RAB11FIP4: variants seen among roughly 807,000 people sequenced by gnomAD.
RAB11FIP4 encodes RAB11 family interacting protein 4.
A neutral mutation model predicts 74.3 loss-of-function variants in RAB11FIP4; 23 were observed. The ratio of observed to expected loss-of-function variants is 0.31; its 90% CI spans 0.22 to 0.44. The LOEUF is 0.44. Among genes scored for constraint, RAB11FIP4 ranks in the 20% least tolerant of loss-of-function variants. The probability of loss-of-function intolerance (pLI) is 1.00; values close to 1 mark genes in which losing one functional copy is unlikely to be tolerated. For synonymous variants in RAB11FIP4, 360 were observed against 359.9 expected, an observed-to-expected ratio of 1.00 and a Z score of 0.00; for missense variants, 630 against 863.9, an observed-to-expected ratio of 0.73 and a Z score of 3.39.
chr17:31,517,000 A>G (rs1437575526), intron 3 of RAB11FIP4, among the ~76,000 whole-genome samples: 1 of 151,796 alleles, frequency 6.6e-6, no homozygotes, highest in Non-Finnish European at 1.5e-5. Flanking sequence ...CTATGCAAAC[A>G]TCTGATTGGT....
chr17:31,531,215 T>C, intron 14 of RAB11FIP4: 1 of 183,784 alleles, frequency 5.4e-6, no homozygotes, highest in Non-Finnish European at 1.2e-5. Context: ...AGAAGAGCAG[T>C]GTGGGGCTGG....
intron 5 of RAB11FIP4, among the ~76,000 whole-genome samples, chr17:31,521,585 C>T (rs959381757): frequency 2.6e-5 from 4 of 152,136 alleles, no homozygotes; most frequent in Middle Eastern, 3.4e-3. Context: ...CTGGGGGCCA[C>T]GGGGCTCTGT....
intron 1 of RAB11FIP4, among the ~76,000 whole-genome samples, chr17:31,424,256 C>T (rs532436657): frequency 6.6e-6 from 1 of 152,214 alleles, no homozygotes; most frequent in African/African-American, 2.4e-5. Context: ...TGTCTTCTGT[C>T]AGGGTTTTTA....
chr17:31,465,976 T>TAA (rs1677629091), intron 3 of RAB11FIP4: 4 of 23,012 alleles, frequency 1.7e-4, no homozygotes, highest in Admixed American at 1.7e-3. Context: ...CTGCTAAAAA[T>TAA]TAAAAAAAAA....
intron 1 of RAB11FIP4, among the ~76,000 whole-genome samples, chr17:31,407,658 G>A (rs148124326): frequency 1.3e-5 from 2 of 152,256 alleles, no homozygotes; most frequent in South Asian, 2.1e-4. Flanking sequence ...CTGTTTCCTC[G>A]AGGTTAGATA....
At chr17:31,514,681 T>G (rs1334404847) in intron 3 of RAB11FIP4, among the ~76,000 whole-genome samples, 1 of 152,216 alleles carries the variant, frequency 6.6e-6, no homozygotes, top group African/African-American at 2.4e-5. Flanking sequence ...GTGAAAAGTT[T>G]GCAGTTCTTC....
intron 1 of RAB11FIP4, among the ~76,000 whole-genome samples, chr17:31,416,941 C>T (rs996792327): frequency 6.6e-6 from 1 of 152,074 alleles, no homozygotes; most frequent in Non-Finnish European, 1.5e-5. Flanking sequence ...CACATACAGG[C>T]CCTTTGCCTG....
intron 3 of RAB11FIP4, among the ~76,000 whole-genome samples, chr17:31,479,795 T>C (rs1368974145): frequency 6.6e-6 from 1 of 152,164 alleles, no homozygotes; most frequent in African/African-American, 2.4e-5. Flanking sequence ...ACCTCCCTTT[T>C]CTAGGATTGG....
At chr17:31,422,412 A>G (rs1451667997) in intron 1 of RAB11FIP4, among the ~76,000 whole-genome samples, 2 of 152,214 alleles carry the variant, frequency 1.3e-5, no homozygotes, top group South Asian at 2.1e-4. Flanking sequence ...TAGATTTTCT[A>G]TCTAACTGGT....
chr17:31,524,041 A>C (rs1303526468), intron 9 of RAB11FIP4, 45 bp downstream of exon 9: 2 of 1,409,634 alleles, frequency 1.4e-6, no homozygotes, highest in Non-Finnish European at 2.0e-6. Context: ...GACGCTGGGG[A>C]ACAAAGGGGG....
chr17:31,404,455 C>T (rs1464078689), intron 1 of RAB11FIP4, among the ~76,000 whole-genome samples: 1 of 152,256 alleles, frequency 6.6e-6, no homozygotes, highest in Non-Finnish European at 1.5e-5. Context: ...AACTTACTTG[C>T]TGCGTGACTC....
At chr17:31,434,810 G>C (rs1278321145) in intron 3 of RAB11FIP4, among the ~76,000 whole-genome samples, 1 of 152,256 alleles carries the variant, frequency 6.6e-6, no homozygotes, top group Admixed American at 6.5e-5. Flanking sequence ...GGGATGCAGA[G>C]CTTCCGCACC....
Position 31,522,361 on chromosome 17 carries a change from C to T in RAB11FIP4, c.895C>T (p.Pro299Ser), listed in dbSNP as rs2142818923. The T allele has an allele frequency of 1.2e-6, 2 of 1,613,930 alleles. No individual in the cohort carries two copies. The highest frequency in any genetic ancestry group is 1.1e-5 in the South Asian group (1 of 91,068). The change falls in exon 7 of 15, where the codon CCC becomes TCC. Residue 299 changes from proline (P) to serine (S), a missense_variant and splice_region_variant. Coordinates refer to ENST00000621161, the MANE Select transcript of RAB11FIP4 (RefSeq NM_032932.6). ...ARLKNLKANSPNRKISSTAFG... is the reference protein window; with the variant it reads ...ARLKNLKANSSNRKISSTAFG... ...TGACTGTTTCCTTTCTCTCTCTAGC[C>T]CCAACCGAAAGATCTCCAGCACGGC...
intron 3 of RAB11FIP4, among the ~76,000 whole-genome samples, chr17:31,482,137 A>G (rs976786322): frequency 6.6e-6 from 1 of 152,184 alleles, no homozygotes; most frequent in Non-Finnish European, 1.5e-5. Context: ...AGTTAGGGAG[A>G]GCCCAGAACC....
At chr17:31,418,396 T>A (rs1231793866) in intron 1 of RAB11FIP4, among the ~76,000 whole-genome samples, 3 of 150,096 alleles carry the variant, frequency 2.0e-5, no homozygotes, top group African/African-American at 4.9e-5. Flanking sequence ...CTCAAAAAAA[T>A]AAAATAAAAT....
At chr17:31,524,931 C>T (rs1597983167) in intron 9 of RAB11FIP4, 159 bp from the exon 10 acceptor site, 8 of 807,978 alleles carry the variant, frequency 9.9e-6, no homozygotes, top group South Asian at 1.7e-5. Context: ...TCTATATGTG[C>T]GGTGTCCCCG....
chr17:31,396,910 C>G (rs568365136), intron 1 of RAB11FIP4, among the ~76,000 whole-genome samples: 1 of 152,300 alleles, frequency 6.6e-6, no homozygotes, highest in African/African-American at 2.4e-5. Context: ...ATGATGGTCC[C>G]CACTGGGCTC....
chr17:31,473,755 G>T (rs761252582), intron 3 of RAB11FIP4, among the ~76,000 whole-genome samples: 2 of 152,174 alleles, frequency 1.3e-5, no homozygotes, highest in Non-Finnish European at 2.9e-5. Context: ...TTTGCTCAGC[G>T]GGCATGGAGG....
chr17:31,497,981 TG>T (rs2072148405), intron 3 of RAB11FIP4, among the ~76,000 whole-genome samples: 1 of 152,078 alleles, frequency 6.6e-6, no homozygotes, highest in Non-Finnish European at 1.5e-5. Flanking sequence ...AGAAGCAGCA[TG>T]TGCTGAGGCA....
Sources: gnomAD v4.1 joint callset for allele counts (sites outside exome capture counted in the v4.1 genomes callset) on GRCh38, gnomAD v4.1.1 for gene constraint, MANE v1.5 for transcripts, NCBI Gene and HGNC (gene_info 2026-07-23, HGNC 2026-07-21) for gene names.